The following GNB5 variants were observed in gnomAD, a reference collection of about 807,000 sequenced individuals.
GNB5 encodes G protein subunit beta 5, also known as guanine nucleotide-binding protein subunit beta-5.
In GNB5, 37 loss-of-function variants were observed where a neutral mutation model predicts 55.3. That is an observed-to-expected ratio of 0.67 (90% CI 0.51 to 0.88). The LOEUF is 0.88. Among genes scored for constraint, GNB5 ranks in the 40% least tolerant of loss-of-function variants. GNB5 has a pLI of 0.00. For synonymous variants in GNB5, 219 were observed against 198.5 expected (o/e 1.10, Z -0.87); for missense variants, 476 against 515.3 (o/e 0.92, Z 0.74).
At chr15:52,189,900 A>G (rs1039693519) in intron 1 of GNB5, among the ~76,000 whole-genome samples, 1 of 152,170 alleles carries the variant, frequency 6.6e-6, no homozygotes, top group African/African-American at 2.4e-5. Context: ...AGTAGTTGCG[A>G]GGTGGAGGGA....
chr15:52,134,443 C>A (rs116625907), intron 8 of GNB5, among the ~76,000 whole-genome samples: 2,445 of 152,100 alleles, frequency 0.016, 71 homozygotes, highest in African/African-American at 0.056. Context: ...AAAATGTGGG[C>A]AAAGAAACCA....
intron 2 of GNB5, among the ~76,000 whole-genome samples, chr15:52,182,492 C>T (rs1404533142): frequency 6.6e-6 from 1 of 152,200 alleles, no homozygotes; most frequent in African/African-American, 2.4e-5. Context: ...GGAGAGTCAA[C>T]TATCTAGAGA....
At position 52,184,683 on chromosome 15, in the gene GNB5, C is replaced by T. The variant is rs764669629; in HGVS notation, c.-7G>A. The T allele has an allele frequency of 3.1e-6, 5 of 1,610,882 alleles. No individual in the cohort carries two copies. In the African/African-American group the frequency reaches 5.3e-5, roughly 17 times the overall value. On this transcript the variant is annotated 5_prime_UTR_variant, in exon 2 of 13. Transcript: ENST00000261837. ...GAAAGGTCTGATCACACATCTTTTA[C>T]CCAAGATAAAGCTGAAAAAAAGTGA...
Position 52,122,677 on chromosome 15 carries a change from A to C in GNB5, c.*80T>G, listed in dbSNP as rs533848963. 2.9e-5 allele frequency: 33 copies of C among 1,145,460 alleles called. No individual in the cohort carries two copies. The East Asian group carries it at 4.0e-4, about 14-fold the overall frequency. 71.0% of individuals were successfully genotyped at this position (1,145,460 alleles called of 1,614,324 possible). ...CTAAGCTACACTGCAATAAACTCTA[A>C]GCTCCTCTAGAAGTAATATCTATTT... On this transcript the variant is annotated 3_prime_UTR_variant, in exon 13 of 13. Coordinates refer to ENST00000261837, the MANE Select transcript of GNB5 (RefSeq NM_016194.4).
intron 3 of GNB5, among the ~76,000 whole-genome samples, chr15:52,178,115 G>A (rs1256628174): frequency 3.9e-5 from 6 of 152,140 alleles, no homozygotes; most frequent in African/African-American, 1.4e-4. Context: ...TCTGGAGAAC[G>A]CCCTCTGCAT....
In GNB5 at chr15:52,136,064, A is replaced by C. The variant is rs997464045; in HGVS notation, c.628-308T>G. Among the ~76,000 whole-genome samples, 7 of 98,044 alleles carry C rather than the reference A, an allele frequency of 7.1e-5. No homozygotes were observed. The South Asian group carries it at 2.9e-3, about 40-fold the overall frequency. The allele number at this position is 98,044 out of a possible 152,430, so 64.3% of individuals were successfully genotyped here. ...CTTAACGTTTTGCAGGGAAAAGCAG[A>C]ACACACACACACACACACACACACA... On this transcript the variant is annotated intron_variant, in intron 7 of 12. Transcript: ENST00000261837.
At chr15:52,158,064 A>G (rs1209839680) in intron 3 of GNB5, among the ~76,000 whole-genome samples, 1 of 151,856 alleles carries the variant, frequency 6.6e-6, no homozygotes, top group Admixed American at 6.6e-5. Context: ...CTATAATAAG[A>G]ATTTGCTAGA....
At position 52,122,552 on chromosome 15, in the gene GNB5, C is replaced by T. The variant is rs2033297318; in HGVS notation, c.*205G>A. 5.5e-6 allele frequency: 3 copies of T among 550,158 alleles called. No individual in the cohort carries two copies. Among genetic ancestry groups the T allele is most frequent in the Non-Finnish European group, 9.7e-6 (3 of 310,786 alleles). 34.1% of individuals were successfully genotyped at this position (550,158 alleles called of 1,614,324 possible). ...GAAAAATACTGTACTTGAAGGTATT[C>T]TCGCAGTGCTGAAGGCTCACACTAG... On this transcript the variant is annotated 3_prime_UTR_variant, in exon 13 of 13. Transcript: ENST00000261837.
intron 9 of GNB5, among the ~76,000 whole-genome samples, chr15:52,129,787 G>T (rs1329195480): frequency 6.6e-6 from 1 of 152,134 alleles, no homozygotes; most frequent in East Asian, 1.9e-4. Context: ...AACCCAGGGG[G>T]TGCTACTGGA....
At chr15:52,136,171 CA>C (rs765902803) in intron 7 of GNB5, among the ~76,000 whole-genome samples, 1,217 of 98,840 alleles carry the variant, frequency 0.012, 35 homozygotes, top group African/African-American at 0.017. Flanking sequence ...CACACACACA[CA>C]CCCTACCTGC....
intron 1 of GNB5, among the ~76,000 whole-genome samples, chr15:52,187,891 G>C (rs745561674): frequency 5.9e-5 from 9 of 151,464 alleles, no homozygotes; most frequent in Non-Finnish European, 1.2e-4. Context: ...AGATGTTGCA[G>C]TAAGCTGAGA....
chr15:52,137,445 C>T, intron 7 of GNB5: 2 of 1,018,718 alleles, frequency 2.0e-6, no homozygotes, highest in Non-Finnish European at 2.4e-6. Flanking sequence ...TGAGCCCGTT[C>T]ACAGGTGGGG....
At chr15:52,153,032 C>T (rs1488020564) in intron 4 of GNB5, among the ~76,000 whole-genome samples, 1 of 152,198 alleles carries the variant, frequency 6.6e-6, no homozygotes, top group Non-Finnish European at 1.5e-5. Context: ...CCAAGTGAGT[C>T]CCAAATCATT....
intron 2 of GNB5, 61 bp from the exon 3 acceptor site, chr15:52,179,940 G>A (rs1392087022): frequency 1.4e-6 from 2 of 1,438,032 alleles, no homozygotes; most frequent in South Asian, 1.3e-5. Context: ...AGCCGCGGCG[G>A]GCGCCGCTCC....
At chr15:52,186,724 C>A (rs2034851635) in intron 1 of GNB5, among the ~76,000 whole-genome samples, 1 of 152,130 alleles carries the variant, frequency 6.6e-6, no homozygotes, top group Non-Finnish European at 1.5e-5. Flanking sequence ...AGAGTCAAAT[C>A]TGAGAGGGAT....
intron 3 of GNB5, among the ~76,000 whole-genome samples, chr15:52,157,920 T>C (rs2034249872): frequency 6.6e-6 from 1 of 151,494 alleles, no homozygotes; most frequent in South Asian, 2.1e-4. Flanking sequence ...GACCTGGAAA[T>C]GAGCTGAATA....
In GNB5 at chr15:52,154,861, G is replaced by A. The variant is rs2034174378; in HGVS notation, c.239-785C>T. 2.0e-5 allele frequency among the ~76,000 whole-genome samples: 3 copies of A among 152,358 alleles called. No individual in the cohort carries two copies. The South Asian group carries it at 6.2e-4, about 32-fold the overall frequency. The stretch of plus-strand genomic sequence containing the variant: ...TCCACTCACAGCACCACCTACACCA[G>A]AAAGGAGATCCAAAAGTCAATCTCT... On this transcript the variant is annotated intron_variant, in intron 3 of 12. Transcript: ENST00000261837.
At chr15:52,183,468 T>C (rs1328400352) in intron 2 of GNB5, among the ~76,000 whole-genome samples, 1 of 152,228 alleles carries the variant, frequency 6.6e-6, no homozygotes, top group Non-Finnish European at 1.5e-5. Context: ...ACACCTAGGC[T>C]GAAGACATAT....
rs1045207151 is a variant in GNB5 at position 52,137,519 on chromosome 15, G to T, written c.628-1763C>A. 7.9e-6 allele frequency: 8 copies of T among 1,016,078 alleles called. No individual in the cohort carries two copies. The African/African-American group carries it at 1.4e-4, about 18-fold the overall frequency. 62.9% of individuals were successfully genotyped at this position (1,016,078 alleles called of 1,614,324 possible). Reference sequence around the variant, plus strand: ...GGGCAGGAGAATGAGAAAAGCAAACGTATGTTTTAGGAAACTCTGGCAGAG... The same window carrying T: ...GGGCAGGAGAATGAGAAAAGCAAACTTATGTTTTAGGAAACTCTGGCAGAG... On this transcript the variant is annotated intron_variant, in intron 7 of 12. Coordinates refer to ENST00000261837, the MANE Select transcript of GNB5 (RefSeq NM_016194.4).
Sources: allele counts gnomAD v4.1 joint callset (sites outside exome capture counted in the v4.1 genomes callset), GRCh38; gene constraint gnomAD v4.1.1; transcripts MANE v1.5; gene names NCBI Gene and HGNC (gene_info 2026-07-23, HGNC 2026-07-21).